The following PCM1 variants were observed in gnomAD, a reference collection of about 807,000 sequenced individuals.
The protein encoded by PCM1 is pericentriolar material 1 protein.
PCM1 carries 157 observed loss-of-function variants against 241.9 expected under a neutral mutation model. The ratio of observed to expected loss-of-function variants is 0.65; its 90% confidence interval spans 0.57 to 0.74. The LOEUF is 0.74. PCM1 is among the 30% of genes least tolerant of loss of function. The pLI is 0.00. For missense variants in PCM1, 3,478 were observed against 2,360.1 expected, an observed-to-expected ratio of 1.47 and a Z score of -9.81; for synonymous variants, 1,085 against 784.9, an observed-to-expected ratio of 1.38 and a Z score of -6.39.
chr8:17,972,735 TCTTA>T (rs1425226923), intron 23 of PCM1, 48 bp downstream of exon 23: 2 of 1,197,380 alleles, frequency 1.7e-6, no homozygotes, highest in East Asian at 2.6e-5. Flanking sequence ...ATTTTGGTAA[TCTTA>T]CTTTGACATG....
Position 17,991,574 on chromosome 8 carries a change from G to A in PCM1, c.4564G>A (p.Ala1522Thr). ...CGTGATTCACTTAGATCAAGCATTAGCCAGAATGAGAGAATATGAGCGTAT... is the reference window on the plus strand; with the variant it reads ...CGTGATTCACTTAGATCAAGCATTAACCAGAATGAGAGAATATGAGCGTAT... ...NTVIHLDQAL[A>T]RMREYERMKT... Residue 1522 changes from alanine (A) to threonine (T), a missense_variant, in exon 28 of 39, where the codon GCC becomes ACC. Transcript: ENST00000325083. The A allele has an allele frequency of 1.2e-6, 2 of 1,602,138 alleles. No homozygotes were observed. Among genetic ancestry groups the A allele is most frequent in the Non-Finnish European group, 1.7e-6 (2 of 1,173,860 alleles).
At chr8:17,949,149 C>A (rs181079417) in intron 7 of PCM1, among the ~76,000 whole-genome samples, 2 of 152,144 alleles carry the variant, frequency 1.3e-5, no homozygotes, top group East Asian at 3.9e-4. Context: ...GAACTTCATA[C>A]TATTTCAAAA....
In PCM1 at chr8:17,935,608, A is replaced by C. The variant is rs751039102; in HGVS notation, c.-3A>C. 7.2e-7 allele frequency: 1 copy of C among 1,381,508 alleles called. No individual in the cohort carries two copies. The allele number at this position is 1,381,508 out of a possible 1,614,324, so 85.6% of individuals were successfully genotyped here. On this transcript the variant is annotated 5_prime_UTR_variant, in exon 3 of 39. Coordinates refer to ENST00000325083, the MANE Select transcript of PCM1 (RefSeq NM_006197.4). ...TCGCAGAGAGTTAATTGTTAAATCCAGTATGGCCACAGGAGGAGGTCCCTT... is the reference window on the plus strand; with the variant it reads ...TCGCAGAGAGTTAATTGTTAAATCCCGTATGGCCACAGGAGGAGGTCCCTT...
chr8:18,009,906 A>C (rs1038306047), intron 31 of PCM1, among the ~76,000 whole-genome samples, 162 bp downstream of exon 31: 7 of 152,172 alleles, frequency 4.6e-5, no homozygotes, highest in Non-Finnish European at 7.4e-5. Flanking sequence ...TCACTTGTGG[A>C]ATTTGAGGAC....
intron 16 of PCM1, among the ~76,000 whole-genome samples, chr8:17,962,726 C>G (rs983646725): frequency 4.6e-5 from 7 of 151,884 alleles, no homozygotes; most frequent in Non-Finnish European, 4.4e-5. Flanking sequence ...TGGTGAAACC[C>G]TATCTCTACT....
At chr8:17,943,481 G>A (rs980918923) in intron 6 of PCM1, among the ~76,000 whole-genome samples, 1 of 152,134 alleles carries the variant, frequency 6.6e-6, no homozygotes, top group Admixed American at 6.5e-5. Context: ...ATAGTGACAA[G>A]CGAAATTTAA....
At chr8:18,007,180 A>C (rs926168501) in intron 30 of PCM1, among the ~76,000 whole-genome samples, 5 of 152,216 alleles carry the variant, frequency 3.3e-5, no homozygotes, top group African/African-American at 1.2e-4. Context: ...TTTTTACTCC[A>C]CATTAGGTGA....
chr8:17,956,468 C>T (rs567734331), intron 10 of PCM1, 136 bp from the exon 11 acceptor site: 33 of 617,380 alleles, frequency 5.3e-5, no homozygotes, highest in Non-Finnish European at 9.1e-5. Flanking sequence ...CAGTCATACC[C>T]CCTGGAGAGT....
At chr8:18,014,931 A>G in intron 36 of PCM1, 91 bp downstream of exon 36, 1 of 1,159,924 alleles carries the variant, frequency 8.6e-7, no homozygotes, top group Non-Finnish European at 1.2e-6. Flanking sequence ...CATGTAAACC[A>G]TTTTGTGTTT....
intron 23 of PCM1, among the ~76,000 whole-genome samples, chr8:17,974,324 C>G (rs2077894584): frequency 6.6e-6 from 1 of 152,158 alleles, no homozygotes; most frequent in African/African-American, 2.4e-5. Flanking sequence ...GTGCTTTGCC[C>G]TCACAGAGAT....
chr8:17,968,671 TC>T lies in PCM1; in HGVS notation c.3413-905del, dbSNP rs2075776965. Among the ~76,000 whole-genome samples, 5 of 151,764 alleles carry T rather than the reference TC, an allele frequency of 3.3e-5. No homozygotes were observed. In the South Asian group the frequency reaches 1.0e-3, roughly 32 times the overall value. ...TCACAATATATATGTACTCAATACTTCTTACATACATATATTACAGTGTTAT... is the reference window on the plus strand; with the variant it reads ...TCACAATATATATGTACTCAATACTTTTACATACATATATTACAGTGTTAT... On this transcript the variant is annotated intron_variant, in intron 21 of 38. Transcript: ENST00000325083.
At chr8:18,025,727 T>C in intron 38 of PCM1, 69 bp downstream of exon 38, 1 of 895,788 alleles carries the variant, frequency 1.1e-6, no homozygotes, top group East Asian at 2.7e-5. Context: ...TATTGTGTTT[T>C]ATTTTTTAAA....
In PCM1 at chr8:17,938,906, A is replaced by C. The variant is rs1455353376; in HGVS notation, c.509A>C (p.Gln170Pro). The change falls in exon 5 of 39, where the codon CAG (glutamine) becomes CCG (proline). Residue 170 changes from glutamine to proline, a missense_variant. Gln to Pro is a moderately conservative substitution (Grantham distance 76, BLOSUM62 -1). Transcript: ENST00000325083. ...AACAGAGAAACGATTGGATCAGCACAGTGTAAAGAGTTGTTTGCTTCTGCT... is the reference window on the plus strand; with the variant it reads ...AACAGAGAAACGATTGGATCAGCACCGTGTAAAGAGTTGTTTGCTTCTGCT... Reference protein sequence around the residue: ...PPNRETIGSAQCKELFASALS... With the variant: ...PPNRETIGSAPCKELFASALS... 1.9e-6 allele frequency: 3 copies of C among 1,613,614 alleles called. No homozygotes were observed. In the African/African-American group the frequency reaches 4.0e-5, roughly 22 times the overall value.
intron 13 of PCM1, among the ~76,000 whole-genome samples, chr8:17,958,855 G>A (rs2070142310): frequency 6.6e-6 from 1 of 152,046 alleles, no homozygotes; most frequent in Non-Finnish European, 1.5e-5. Flanking sequence ...CCGAGTAGCT[G>A]GAATTACAGA....
chr8:17,951,069 CTT>C (rs1242217905), intron 8 of PCM1, among the ~76,000 whole-genome samples: 4 of 152,168 alleles, frequency 2.6e-5, no homozygotes, highest in Non-Finnish European at 5.9e-5. Flanking sequence ...ACGATTAAGA[CTT>C]TGCTTTAAAT....
chr8:17,996,264 A>G (rs1379464484), intron 29 of PCM1, among the ~76,000 whole-genome samples: 1 of 152,092 alleles, frequency 6.6e-6, no homozygotes, highest in Non-Finnish European at 1.5e-5. Context: ...AATTTTATCA[A>G]ATGGTTTTTC....
At chr8:17,972,221 G>T in intron 22 of PCM1, 108 bp from the exon 23 acceptor site, 1 of 539,102 alleles carries the variant, frequency 1.9e-6, no homozygotes, top group Non-Finnish European at 3.1e-6. Flanking sequence ...ATAGCCTGTT[G>T]ACAATTTTAT....
chr8:17,983,413 A>ATC lies in PCM1; in HGVS notation c.4109-2033_4109-2032insCT, dbSNP rs1429172660. On this transcript the variant is annotated intron_variant, in intron 24 of 38. Transcript: ENST00000325083. ...CTGAGAGTATATATGTTATGTGACT[A>ATC]TTGTAAAAGATAATTTATATTCATA... The ATC allele has an allele frequency of 1.2e-5, 4 of 332,262 alleles. No individual in the cohort carries two copies. In the East Asian group the frequency reaches 2.7e-4, roughly 23 times the overall value. 20.6% of individuals were successfully genotyped at this position (332,262 alleles called of 1,614,324 possible). A position where few individuals can be genotyped will look rare whatever the true frequency, so the allele number is the denominator to read the frequency against.
chr8:17,924,920 G>C (rs2056316157), intron 2 of PCM1, 140 bp downstream of exon 2: 1 of 152,208 alleles, frequency 6.6e-6, no homozygotes, highest in Non-Finnish European at 1.5e-5. Context: ...TCACCGCCCT[G>C]TTTGCTCTGC....
Sources: gnomAD v4.1 joint callset for allele counts (sites outside exome capture counted in the v4.1 genomes callset) on GRCh38, gnomAD v4.1.1 for gene constraint, MANE v1.5 for transcripts, NCBI Gene and HGNC (gene_info 2026-07-23, HGNC 2026-07-21) for gene names.